TNFAIP8: variants seen among roughly 807,000 people sequenced by gnomAD.
TNFAIP8 encodes tumor necrosis factor alpha-induced protein 8.
TNFAIP8 carries 7 observed loss-of-function variants against 13.3 expected under a neutral mutation model. The ratio of observed to expected loss-of-function variants is 0.52; its 90% CI spans 0.30 to 0.99. The LOEUF (loss-of-function observed/expected upper bound fraction) is 0.99, where lower values mean the gene tolerates loss of function less well. Ranked by LOEUF, TNFAIP8 falls within the 50% of genes least tolerant of loss-of-function variation. The probability of loss-of-function intolerance (pLI) is 0.07; values close to 1 mark genes in which losing one functional copy is unlikely to be tolerated. For synonymous variants in TNFAIP8, 94 were observed against 87.6 expected (o/e 1.07, Z -0.41); for missense variants, 258 against 236.9 (o/e 1.09, Z -0.58).
rs138679240 is a variant in TNFAIP8 at position 119,364,094 on chromosome 5, G to A, written c.31+7973G>A. Among the ~76,000 whole-genome samples, 719 of 152,276 alleles carry A rather than the reference G, an allele frequency of 4.7e-3. 4 individuals are homozygous for A. Among genetic ancestry groups the A allele is most frequent in the African/African-American group, 0.017 (698 of 41,556 alleles). On this transcript the variant is annotated intron_variant, in intron 1 of 1. Coordinates refer to ENST00000504771, the MANE Select transcript of TNFAIP8 (RefSeq NM_014350.4). Reference sequence around the variant, plus strand: ...AGGTGGGATGAAGTCATTGGCCATTGGTGATTAAACTCAGTCTCCAGCCCG... The same window carrying A: ...AGGTGGGATGAAGTCATTGGCCATTAGTGATTAAACTCAGTCTCCAGCCCG...
chr5:119,334,195 AAC>A (rs1253143408), intron 1 of TNFAIP8, among the ~76,000 whole-genome samples: 1 of 151,718 alleles, frequency 6.6e-6, no homozygotes, highest in African/African-American at 2.4e-5. Flanking sequence ...CTTTTAAAAT[AAC>A]ACCTTAGGTT....
chr5:119,345,306 GA>G (rs1299321616), intron 1 of TNFAIP8, among the ~76,000 whole-genome samples: 1 of 152,066 alleles, frequency 6.6e-6, no homozygotes, highest in Non-Finnish European at 1.5e-5. Context: ...TATTAGCTAG[GA>G]AAACAATATG....
intron 1 of TNFAIP8, among the ~76,000 whole-genome samples, chr5:119,367,808 A>C (rs2112804861): frequency 6.6e-6 from 1 of 152,334 alleles, no homozygotes; most frequent in African/African-American, 2.4e-5. Context: ...GATGAGTGTT[A>C]AAGTTCAAAG....
At chr5:119,308,515 T>G (rs980798016) in intron 1 of TNFAIP8, among the ~76,000 whole-genome samples, 3 of 151,968 alleles carry the variant, frequency 2.0e-5, no homozygotes, top group African/African-American at 7.3e-5. Context: ...GAGGAGGTCT[T>G]AAACAGTTGG....
chr5:119,368,927 T>G (rs1251214100), intron 1 of TNFAIP8, among the ~76,000 whole-genome samples: 1 of 152,020 alleles, frequency 6.6e-6, no homozygotes, highest in Non-Finnish European at 1.5e-5. Context: ...TTGAGCTTGA[T>G]AAAACTCCGG....
At chr5:119,333,618 A>G (rs896214958) in intron 1 of TNFAIP8, 1 of 1,535,492 alleles carries the variant, frequency 6.5e-7, no homozygotes, top group Admixed American at 2.0e-5. Flanking sequence ...ACGGGGAGAA[A>G]ATGCTGAAAC....
At chr5:119,298,441 C>G (rs997901447) in intron 1 of TNFAIP8, among the ~76,000 whole-genome samples, 1 of 151,754 alleles carries the variant, frequency 6.6e-6, no homozygotes, top group African/African-American at 2.4e-5. Flanking sequence ...GGCCCCCACT[C>G]TCTTCTGGCT....
At chr5:119,323,929 A>G (rs1165581053) in intron 1 of TNFAIP8, among the ~76,000 whole-genome samples, 1 of 152,220 alleles carries the variant, frequency 6.6e-6, no homozygotes, top group African/African-American at 2.4e-5. Flanking sequence ...GGCTTGGAAC[A>G]ACAGTGGGTT....
chr5:119,364,037 T>C (rs1580424092), intron 1 of TNFAIP8, among the ~76,000 whole-genome samples: 1 of 152,186 alleles, frequency 6.6e-6, no homozygotes, highest in East Asian at 1.9e-4. Flanking sequence ...CTTCCATGCC[T>C]TGTCCAGGCA....
chr5:119,381,892 A>G (rs1752498725), intron 1 of TNFAIP8, among the ~76,000 whole-genome samples: 1 of 152,104 alleles, frequency 6.6e-6, no homozygotes, highest in African/African-American at 2.4e-5. Context: ...AGATCGCGCC[A>G]TTGTACTCCA....
At chr5:119,334,338 T>C (rs1413110913) in intron 1 of TNFAIP8, among the ~76,000 whole-genome samples, 1 of 152,176 alleles carries the variant, frequency 6.6e-6, no homozygotes, top group African/African-American at 2.4e-5. Context: ...TTTATACACT[T>C]TTGTTCAAGT....
chr5:119,320,409 A>AC (rs1750019819), intron 1 of TNFAIP8, among the ~76,000 whole-genome samples: 1 of 152,152 alleles, frequency 6.6e-6, no homozygotes, highest in African/African-American at 2.4e-5. Context: ...AACAAGTTAA[A>AC]GAAATTTCTC....
chr5:119,330,815 A>G (rs1750353989), intron 1 of TNFAIP8, among the ~76,000 whole-genome samples: 1 of 152,092 alleles, frequency 6.6e-6, no homozygotes, highest in African/African-American at 2.4e-5. Context: ...AGACTTCCCT[A>G]ATGACAGCTT....
chr5:119,315,302 T>C (rs1172690432), intron 1 of TNFAIP8, among the ~76,000 whole-genome samples: 1 of 152,186 alleles, frequency 6.6e-6, no homozygotes, highest in Non-Finnish European at 1.5e-5. Context: ...CAGGCTGGTC[T>C]TGAACCCCTG....
chr5:119,320,297 C>A (rs1025774778), intron 1 of TNFAIP8, among the ~76,000 whole-genome samples: 4 of 152,186 alleles, frequency 2.6e-5, no homozygotes, highest in Admixed American at 2.6e-4. Flanking sequence ...TTCTTCAAGT[C>A]CTCCTGCAAT....
chr5:119,302,342 G>C (rs558361023), intron 1 of TNFAIP8, among the ~76,000 whole-genome samples: 1 of 152,136 alleles, frequency 6.6e-6, no homozygotes, highest in Admixed American at 6.5e-5. Flanking sequence ...CCTTTTATTA[G>C]AGAAAATGAT....
intron 1 of TNFAIP8, among the ~76,000 whole-genome samples, chr5:119,323,857 C>T (rs983659056): frequency 6.6e-6 from 1 of 152,102 alleles, no homozygotes; most frequent in African/African-American, 2.4e-5. Flanking sequence ...GATCAAAATA[C>T]CTGAGACTTG....
At chr5:119,391,366 C>T in intron 1 of TNFAIP8, 1 of 702,186 alleles carries the variant, frequency 1.4e-6, no homozygotes, top group Non-Finnish European at 2.6e-6. Context: ...GATACCCAGG[C>T]CTAGGCTTAA....
intron 1 of TNFAIP8, chr5:119,316,398 A>G (rs1749896405): frequency 6.6e-6 from 1 of 152,024 alleles, no homozygotes. Context: ...GGTTCAAGTG[A>G]TCCTCGCATC....
Sources: allele counts gnomAD v4.1 joint callset (sites outside exome capture counted in the v4.1 genomes callset), GRCh38; gene constraint gnomAD v4.1.1; transcripts MANE v1.5; gene names NCBI Gene and HGNC (gene_info 2026-07-23, HGNC 2026-07-21).